ATG10: variants seen among roughly 807,000 people sequenced by gnomAD.
ATG10 encodes the protein autophagy related 10, also known as ubiquitin-like-conjugating enzyme ATG10.
Under a neutral mutation model 32.1 loss-of-function variants are expected in ATG10, and 30 were observed. The ratio of observed to expected loss-of-function variants is 0.94; its 90% confidence interval spans 0.70 to 1.27. The LOEUF (loss-of-function observed/expected upper bound fraction) is 1.27, where lower values mean the gene tolerates loss of function less well. ATG10 is among the 50% of genes most tolerant of loss of function. ATG10 has a pLI of 0.00. For missense variants in ATG10, 233 were observed against 262.3 expected (o/e 0.89, Z 0.77); for synonymous variants, 87 against 91.5 (o/e 0.95, Z 0.28).
At chr5:81,996,035 T>G (rs968960548) in intron 2 of ATG10, among the ~76,000 whole-genome samples, 2 of 152,064 alleles carry the variant, frequency 1.3e-5, no homozygotes, top group African/African-American at 4.8e-5. Context: ...GATTTTTACT[T>G]AAATTTAATT....
At chr5:82,115,953 A>G (rs1765795743) in intron 3 of ATG10, among the ~76,000 whole-genome samples, 1 of 152,120 alleles carries the variant, frequency 6.6e-6, no homozygotes, top group Admixed American at 6.6e-5. Flanking sequence ...ACAAGGTGGG[A>G]ATAGGTAAAA....
intron 2 of ATG10, among the ~76,000 whole-genome samples, chr5:82,001,121 A>G (rs1200141512): frequency 6.6e-6 from 1 of 152,212 alleles, no homozygotes; most frequent in Non-Finnish European, 1.5e-5. Context: ...CACTGTTCAA[A>G]TAAATCAGAA....
intron 2 of ATG10, among the ~76,000 whole-genome samples, chr5:81,995,093 T>C (rs1359292530): frequency 2.0e-5 from 3 of 152,102 alleles, no homozygotes; most frequent in Non-Finnish European, 2.9e-5. Context: ...ATGCAACCTT[T>C]GAGGATATTT....
At chr5:82,086,980 C>A (rs1764716798) in intron 3 of ATG10, among the ~76,000 whole-genome samples, 1 of 152,082 alleles carries the variant, frequency 6.6e-6, no homozygotes, top group African/African-American at 2.4e-5. Flanking sequence ...TATTTTGTTA[C>A]AATGAGAAAA....
intron 3 of ATG10, among the ~76,000 whole-genome samples, chr5:82,118,402 A>ATG (rs1765912014): frequency 7.3e-6 from 1 of 136,378 alleles, no homozygotes; most frequent in African/African-American, 2.8e-5. Flanking sequence ...ATATATATAT[A>ATG]TATGTATGTA....
intron 3 of ATG10, chr5:82,072,980 C>G (rs1471127767): frequency 2.6e-5 from 4 of 152,112 alleles, no homozygotes; most frequent in African/African-American, 7.2e-5. Context: ...TGTGCTGATT[C>G]TAGGTAATAC....
intron 3 of ATG10, among the ~76,000 whole-genome samples, chr5:82,084,429 C>A (rs1764595532): frequency 6.6e-6 from 1 of 152,196 alleles, no homozygotes; most frequent in Admixed American, 6.5e-5. Flanking sequence ...TCCAGGAGAA[C>A]TTCCCCAACC....
intron 3 of ATG10, among the ~76,000 whole-genome samples, chr5:82,071,536 C>T (rs1032465997): frequency 8.5e-5 from 13 of 152,078 alleles, no homozygotes; most frequent in East Asian, 3.9e-4. Flanking sequence ...TCTTTGATCA[C>T]GCAGGGTATT....
chr5:82,031,636 G>T (rs911897329), intron 2 of ATG10, among the ~76,000 whole-genome samples: 2 of 152,220 alleles, frequency 1.3e-5, no homozygotes, highest in African/African-American at 4.8e-5. Context: ...AGAGTCAGAG[G>T]CATACATGGA....
chr5:82,204,702 G>A (rs981768212), intron 5 of ATG10, among the ~76,000 whole-genome samples: 1 of 152,160 alleles, frequency 6.6e-6, no homozygotes, highest in African/African-American at 2.4e-5. Flanking sequence ...GAGATAAAAA[G>A]AAGCTACATT....
At chr5:81,972,780 AAAC>A (rs1296734163) in intron 1 of ATG10, among the ~76,000 whole-genome samples, 3 of 152,208 alleles carry the variant, frequency 2.0e-5, no homozygotes, top group Admixed American at 6.5e-5. Context: ...ACCTCCCAAA[AAAC>A]CTATAAAATC....
rs1236004620 is a variant in ATG10 at position 82,255,118 on chromosome 5, AAC to A, written c.*1056_*1057del. On this transcript the variant is annotated 3_prime_UTR_variant, in exon 8 of 8. Coordinates refer to ENST00000282185, the MANE Select transcript of ATG10 (RefSeq NM_031482.5). ...TGGTCATTTTACCCCTCTGCTTCTC[AAC>A]CCCACAGCTGCTCTGCTGTACTCTT... is the stretch of plus-strand genomic sequence containing the variant. 2 of 152,190 alleles carry A rather than the reference AAC, an allele frequency of 1.3e-5. No individual in the cohort carries two copies. Among genetic ancestry groups the A allele is most frequent in the Non-Finnish European group, 2.9e-5 (2 of 68,028 alleles). 9.4% of individuals were successfully genotyped at this position (152,190 alleles called of 1,614,324 possible).
intron 4 of ATG10, among the ~76,000 whole-genome samples, chr5:82,167,186 A>T (rs896630365): frequency 2.0e-5 from 3 of 152,164 alleles, no homozygotes; most frequent in Non-Finnish European, 4.4e-5. Context: ...CTCCCATGTC[A>T]TGTCATGTCA....
At chr5:82,170,342 A>G (rs763850238) in intron 4 of ATG10, among the ~76,000 whole-genome samples, 2 of 152,196 alleles carry the variant, frequency 1.3e-5, no homozygotes, top group Non-Finnish European at 2.9e-5. Flanking sequence ...TCTTTTTAAA[A>G]TATGCTGAAA....
intron 5 of ATG10, among the ~76,000 whole-genome samples, 198 bp downstream of exon 5, chr5:82,178,785 T>A (rs1179785907): frequency 1.3e-5 from 2 of 152,134 alleles, no homozygotes; most frequent in African/African-American, 2.4e-5. Context: ...TTATAAGCTC[T>A]CAGAGTGCCC....
intron 5 of ATG10, among the ~76,000 whole-genome samples, chr5:82,196,516 C>T (rs1033075259): frequency 6.6e-6 from 1 of 152,050 alleles, no homozygotes; most frequent in Non-Finnish European, 1.5e-5. Flanking sequence ...ATGGTTTTAG[C>T]TTTTACATTT....
At chr5:82,130,753 T>C (rs1766485367) in intron 3 of ATG10, among the ~76,000 whole-genome samples, 1 of 152,128 alleles carries the variant, frequency 6.6e-6, no homozygotes, top group Non-Finnish European at 1.5e-5. Flanking sequence ...TCTGCATTGA[T>C]CTCACTGGGA....
At chr5:82,184,280 A>G (rs1744361394) in intron 5 of ATG10, among the ~76,000 whole-genome samples, 2 of 152,256 alleles carry the variant, frequency 1.3e-5, no homozygotes, top group South Asian at 2.1e-4. Flanking sequence ...TAAATGAATC[A>G]ATATATGTAA....
At chr5:82,031,529 C>G (rs1022010654) in intron 2 of ATG10, among the ~76,000 whole-genome samples, 1 of 152,232 alleles carries the variant, frequency 6.6e-6, no homozygotes, top group Non-Finnish European at 1.5e-5. Context: ...GCTGTGCCTG[C>G]ATTCACCACT....
Sources: gnomAD v4.1 joint callset for allele counts (sites outside exome capture counted in the v4.1 genomes callset) on GRCh38, gnomAD v4.1.1 for gene constraint, MANE v1.5 for transcripts, NCBI Gene and HGNC (gene_info 2026-07-23, HGNC 2026-07-21) for gene names.